Variants in ALDH3B1 observed in about 807,000 individuals in gnomAD.
The protein encoded by ALDH3B1 is aldehyde dehydrogenase family 3 member B1.
A neutral mutation model predicts 46.2 loss-of-function variants in ALDH3B1; 37 were observed. The observed-to-expected ratio is 0.80, with a 90% CI of 0.62 to 1.05. The LOEUF (loss-of-function observed/expected upper bound fraction) is 1.05. Ranked by LOEUF, ALDH3B1 falls within the 50% of genes least tolerant of loss-of-function variation. ALDH3B1 has a pLI of 0.00. For synonymous variants in ALDH3B1, 283 were observed against 281.0 expected (o/e 1.01, Z -0.07); for missense variants, 603 against 665.5 (o/e 0.91, Z 1.03).
intron 1 of ALDH3B1, among the ~76,000 whole-genome samples, chr11:68,014,029 A>C (rs936579776): frequency 1.3e-5 from 2 of 152,154 alleles, no homozygotes; most frequent in Non-Finnish European, 2.9e-5. Flanking sequence ...TGGCCACTTA[A>C]CAATCACCCA....
At chr11:68,019,926 G>A in intron 6 of ALDH3B1, 130 bp downstream of exon 6, 1 of 1,049,032 alleles carries the variant, frequency 9.5e-7, no homozygotes, top group Non-Finnish European at 1.4e-6. Context: ...ACCAGGCTGG[G>A]AGCAGTCCTG....
At position 68,028,796 on chromosome 11, in the gene ALDH3B1, G is replaced by C. The variant is rs568901231; in HGVS notation, c.*857G>C. 1.3e-5 allele frequency: 2 copies of C among 152,334 alleles called. No individual in the cohort carries two copies. Among genetic ancestry groups the C allele is most frequent in the Non-Finnish European group, 2.9e-5 (2 of 68,220 alleles). 9.4% of individuals were successfully genotyped at this position (152,334 alleles called of 1,614,324 possible). On this transcript the variant is annotated 3_prime_UTR_variant, in exon 10 of 10. Coordinates refer to ENST00000342456, the MANE Select transcript of ALDH3B1 (RefSeq NM_000694.4). ...CCTATCTTTCTCAGTGGGGTGGCAC[G>C]GAGCGGGGCCGCCTCCCTCTTCTCT...
chr11:68,009,485 C>T (rs1857188953), upstream of ALDH3B1, among the ~76,000 whole-genome samples: 1 of 152,208 alleles, frequency 6.6e-6, no homozygotes, highest in Non-Finnish European at 1.5e-5. Context: ...AGCAGACTTG[C>T]GTCAAGAGCC....
intron 8 of ALDH3B1, among the ~76,000 whole-genome samples, chr11:68,023,697 C>T (rs988456118): frequency 6.6e-6 from 1 of 151,988 alleles, no homozygotes; most frequent in Non-Finnish European, 1.5e-5. Flanking sequence ...CCCATGTACC[C>T]CACACCTAAT....
In ALDH3B1 at chr11:68,022,766, G is replaced by A; in HGVS notation, c.1116+5G>A. 1 of 1,613,748 alleles carries A rather than the reference G, an allele frequency of 6.2e-7. No homozygotes were observed. Among genetic ancestry groups the A allele is most frequent in the Non-Finnish European group, 8.5e-7 (1 of 1,179,918 alleles). ...GCCTTCTCCAACAGCAGCCAGGTGG[G>A]GGTGCGGCCGGGCTGGGCAGGGTCA... On this transcript the variant is annotated splice_donor_5th_base_variant and intron_variant, in intron 8 of 9. Coordinates refer to ENST00000342456, the MANE Select transcript of ALDH3B1 (RefSeq NM_000694.4).
chr11:68,026,042 G>T lies in ALDH3B1; in HGVS notation c.1150G>T (p.Gly384Trp), dbSNP rs777751632. 1.2e-6 allele frequency: 2 copies of T among 1,607,970 alleles called. No homozygotes were observed. Among genetic ancestry groups the T allele is most frequent in the Non-Finnish European group, 1.7e-6 (2 of 1,177,072 alleles). ...VKRVLTQTSS[G>W]GFCGNDGFMH... is the part of the protein sequence containing the mutation. ...GCGGGTGCTGACCCAGACCAGCAGCGGGGGCTTCTGTGGGAACGACGGCTT... is the reference window on the plus strand; with the variant it reads ...GCGGGTGCTGACCCAGACCAGCAGCTGGGGCTTCTGTGGGAACGACGGCTT... The change falls in exon 9 of 10, where the codon GGG becomes TGG. Residue 384 changes from glycine to tryptophan, a missense_variant. Coordinates refer to ENST00000342456, the MANE Select transcript of ALDH3B1 (RefSeq NM_000694.4).
chr11:68,019,839 G>T, intron 6 of ALDH3B1, 43 bp downstream of exon 6: 1 of 1,598,540 alleles, frequency 6.3e-7, no homozygotes, highest in South Asian at 1.1e-5. Flanking sequence ...GGTCGGGGAG[G>T]ACAGCTGCTC....
At chr11:68,019,292 GC>G in intron 5 of ALDH3B1, 37 bp downstream of exon 5, 1 of 1,588,644 alleles carries the variant, frequency 6.3e-7, no homozygotes, top group Non-Finnish European at 8.6e-7. Context: ...GCGGGAACAG[GC>G]AAGGCTCAAG....
At position 68,018,604 on chromosome 11, in the gene ALDH3B1, C is replaced by G. The variant is rs766644337; in HGVS notation, c.240C>G (p.Ala80=). The G allele has an allele frequency of 1.9e-6, 3 of 1,582,116 alleles. No homozygotes were observed. The highest frequency in any genetic ancestry group is 2.3e-5 in the South Asian group (2 of 86,300). The part of the protein sequence containing the change: ...EVTLALRNLR[A]WMKDERVPKN... The stretch of plus-strand genomic sequence containing the variant: ...CCCTGGCCCTCAGGAACCTCCGGGC[C>G]TGGATGAAGGACGAGCGTGTGCCCA... The change falls in exon 3 of 10, where the codon GCC becomes GCG. Residue 80 remains alanine (A), a synonymous_variant. Coordinates refer to ENST00000342456, the MANE Select transcript of ALDH3B1 (RefSeq NM_000694.4).
Position 68,022,628 on chromosome 11 carries a change from A to C in ALDH3B1, c.983A>C (p.Glu328Ala). The change falls in exon 8 of 10, where the codon GAG (glutamate) becomes GCG (alanine). Residue 328 changes from glutamate to alanine, a missense_variant. Transcript: ENST00000342456. Reference sequence around the variant, plus strand: ...GTGCTGGTGGATGTGCAGGAGATGGAGCCTGTGATGCAGGAGGAGATCTTC... The same window carrying C: ...GTGCTGGTGGATGTGCAGGAGATGGCGCCTGTGATGCAGGAGGAGATCTTC... ...PTVLVDVQEMEPVMQEEIFGP... is the reference protein window; with the variant it reads ...PTVLVDVQEMAPVMQEEIFGP... The C allele has an allele frequency of 6.2e-7, 1 of 1,613,924 alleles. No individual in the cohort carries two copies. The highest frequency in any genetic ancestry group is 8.5e-7 in the Non-Finnish European group (1 of 1,179,990).
Position 68,015,362 on chromosome 11 carries a change from C to T in ALDH3B1, c.65C>T (p.Pro22Leu). ...REAFHAGRTR[P>L]AEFRAAQLQG... ...GCCTTCCACGCGGGGCGCACGCGGC[C>T]AGCTGAGTTCCGGGCTGCGCAGCTC... Residue 22 changes from proline to leucine, a missense_variant, in exon 2 of 10, where the codon CCA becomes CTA. Physicochemically the swap from Pro to Leu is moderately conservative, Grantham distance 98 (BLOSUM62 -3). Coordinates refer to ENST00000342456, the MANE Select transcript of ALDH3B1 (RefSeq NM_000694.4). 1 of 1,546,828 alleles carries T rather than the reference C, an allele frequency of 6.5e-7. No individual in the cohort carries two copies. The highest frequency in any genetic ancestry group is 8.7e-7 in the Non-Finnish European group (1 of 1,144,250).
rs759539471 is a variant in ALDH3B1, at chr11:68,028,048, C to T, written c.*109C>T. 7 of 1,410,420 alleles carry T rather than the reference C, an allele frequency of 5.0e-6. No individual in the cohort carries two copies. The highest frequency in any genetic ancestry group is 6.9e-6 in the Non-Finnish European group (7 of 1,009,598). The allele number at this position is 1,410,420 out of a possible 1,614,324, so 87.4% of individuals were successfully genotyped here. A position where few individuals can be genotyped will look rare whatever the true frequency, so the allele number is the denominator to read the frequency against. On this transcript the variant is annotated 3_prime_UTR_variant, in exon 10 of 10. Coordinates refer to ENST00000342456, the MANE Select transcript of ALDH3B1 (RefSeq NM_000694.4). Reference sequence around the variant, plus strand: ...GAGGAGGAAAAGGATTGCCAAGGCTCCAGGGCACCCCTCAAAGCAGCGCCT... The same window carrying T: ...GAGGAGGAAAAGGATTGCCAAGGCTTCAGGGCACCCCTCAAAGCAGCGCCT...
chr11:68,023,303 CTT>C (rs34494820), intron 8 of ALDH3B1, among the ~76,000 whole-genome samples: 1,391 of 118,962 alleles, frequency 0.012, 11 homozygotes, highest in Non-Finnish European at 0.016. Flanking sequence ...TCCACTTGAA[CTT>C]TTTTTTTTTT....
chr11:68,022,163 G>C (rs1304855149), intron 7 of ALDH3B1, among the ~76,000 whole-genome samples: 1 of 152,188 alleles, frequency 6.6e-6, no homozygotes, highest in Admixed American at 6.5e-5. Context: ...ATCCTGAAAG[G>C]CTGTAACCTC....
intron 6 of ALDH3B1, among the ~76,000 whole-genome samples, chr11:68,021,057 A>T (rs2134392900): frequency 6.6e-6 from 1 of 152,342 alleles, no homozygotes; most frequent in South Asian, 2.1e-4. Flanking sequence ...GGTTTAGAGA[A>T]GAGAGACCTG....
At chr11:68,018,927 T>C in intron 4 of ALDH3B1, 34 bp downstream of exon 4, 1 of 1,541,422 alleles carries the variant, frequency 6.5e-7, no homozygotes, top group Non-Finnish European at 8.7e-7. Context: ...CGGTCACCCT[T>C]CTCCGCTCGA....
At position 68,021,777 on chromosome 11, in the gene ALDH3B1, C is replaced by G. The variant is rs1291122787; in HGVS notation, c.855C>G (p.Ile285Met). 6.2e-7 allele frequency: 1 copy of G among 1,614,082 alleles called. No individual in the cohort carries two copies. The highest frequency in any genetic ancestry group is 8.5e-7 in the Non-Finnish European group (1 of 1,180,028). Residue 285 changes from isoleucine to methionine, a missense_variant, in exon 7 of 10, where the codon ATC becomes ATG. By Grantham distance (10) the Ile-to-Met change is conservative. Transcript: ENST00000342456. ...DPQSSPNLGR[I>M]INQKQFQRLR... Reference sequence around the variant, plus strand: ...AGAGCTCCCCAAACCTGGGCCGCATCATCAACCAGAAACAGTTCCAGCGGC... The same window carrying G: ...AGAGCTCCCCAAACCTGGGCCGCATGATCAACCAGAAACAGTTCCAGCGGC...
rs768481577 is a variant in ALDH3B1 at position 68,022,650 on chromosome 11, C to A, written c.1005C>A (p.Ile335=). ...QEMEPVMQEE[I]FGPILPIVNV... ...TGGAGCCTGTGATGCAGGAGGAGAT[C>A]TTCGGGCCCATCCTGCCCATCGTGA... Residue 335 remains isoleucine (I), a synonymous_variant, in exon 8 of 10, where the codon ATC becomes ATA. Transcript: ENST00000342456. 4.9e-5 allele frequency: 79 copies of A among 1,613,992 alleles called. No individual in the cohort carries two copies. The Middle Eastern group carries it at 2.8e-3, about 58-fold the overall frequency.
At chr11:68,012,762 A>G (rs1316675806) in intron 1 of ALDH3B1, among the ~76,000 whole-genome samples, 1 of 151,706 alleles carries the variant, frequency 6.6e-6, no homozygotes, top group African/African-American at 2.4e-5. Context: ...CCTTCCCCCA[A>G]GGACTTGGCT....
Sources: allele counts gnomAD v4.1 joint callset (sites outside exome capture counted in the v4.1 genomes callset), GRCh38; gene constraint gnomAD v4.1.1; transcripts MANE v1.5; gene names NCBI Gene and HGNC (gene_info 2026-07-23, HGNC 2026-07-21).